STX12: variants seen among roughly 807,000 people sequenced by gnomAD.
The protein encoded by STX12 is syntaxin-12.
STX12 carries 17 observed loss-of-function variants against 42.2 expected under a neutral mutation model. That is an observed-to-expected ratio of 0.40 (90% CI 0.28 to 0.60). The LOEUF (loss-of-function observed/expected upper bound fraction) is 0.60, where lower values mean the gene tolerates loss of function less well. Among genes scored for constraint, STX12 ranks in the 20% least tolerant of loss-of-function variants. STX12 has a pLI of 0.39. For missense variants in STX12, 297 were observed against 330.9 expected (o/e 0.90, Z 0.79); for synonymous variants, 108 against 116.7 (o/e 0.93, Z 0.48).
chr1:27,807,330 C>T (rs149878400), intron 4 of STX12, among the ~76,000 whole-genome samples: 1 of 152,198 alleles, frequency 6.6e-6, no homozygotes, highest in African/African-American at 2.4e-5. Flanking sequence ...GCCCATTAAC[C>T]ATCCCCACTT....
chr1:27,806,212 A>G (rs1017080882), intron 4 of STX12, among the ~76,000 whole-genome samples: 3 of 152,212 alleles, frequency 2.0e-5, no homozygotes, highest in Admixed American at 2.0e-4. Context: ...CATTTTTGTC[A>G]TTGGCAACAA....
chr1:27,822,708 T>TA lies in STX12; in HGVS notation c.*380dup, dbSNP rs1557810031. 2 of 165,518 alleles carry TA rather than the reference T, an allele frequency of 1.2e-5. No individual in the cohort carries two copies. Among genetic ancestry groups the TA allele is most frequent in the Admixed American group, 5.9e-5 (1 of 16,838 alleles). 10.3% of individuals were successfully genotyped at this position (165,518 alleles called of 1,614,324 possible). ...TTTACCTTTTTACTAGCATCTGAGA[T>TA]AGAGTTACTTTCTGGTACCCAGTAT... On this transcript the variant is annotated 3_prime_UTR_variant, in exon 9 of 9. Transcript: ENST00000373943.
intron 6 of STX12, among the ~76,000 whole-genome samples, chr1:27,815,118 A>G (rs1432569020): frequency 1.3e-5 from 2 of 152,142 alleles, no homozygotes; most frequent in African/African-American, 4.8e-5. Context: ...GATTTAGAAT[A>G]TAGGAGAGAA....
intron 1 of STX12, among the ~76,000 whole-genome samples, chr1:27,778,445 C>T (rs781671813): frequency 5.9e-5 from 9 of 152,098 alleles, no homozygotes; most frequent in Non-Finnish European, 8.8e-5. Context: ...AATCCCAGCA[C>T]TTTGGGAGGC....
chr1:27,802,664 G>A (rs1369257536), intron 4 of STX12, among the ~76,000 whole-genome samples: 1 of 152,176 alleles, frequency 6.6e-6, no homozygotes, highest in African/African-American at 2.4e-5. Context: ...AATTCCTTCT[G>A]TAGAAAGACA....
chr1:27,777,422 G>C (rs2088634509), intron 1 of STX12, among the ~76,000 whole-genome samples: 1 of 152,158 alleles, frequency 6.6e-6, no homozygotes, highest in Non-Finnish European at 1.5e-5. Context: ...TAGGAAAAGA[G>C]GCCAGAGAGG....
At chr1:27,801,525 A>G (rs1345730856) in intron 3 of STX12, among the ~76,000 whole-genome samples, 153 bp from the exon 4 acceptor site, 1 of 152,232 alleles carries the variant, frequency 6.6e-6, no homozygotes, top group East Asian at 1.9e-4. Flanking sequence ...TGAGCTAGCA[A>G]AGAGCAAATT....
At chr1:27,807,954 T>A (rs1330619846) in intron 4 of STX12, among the ~76,000 whole-genome samples, 2 of 152,232 alleles carry the variant, frequency 1.3e-5, no homozygotes, top group East Asian at 3.8e-4. Context: ...TAATTCCATT[T>A]ATGTAAAGTT....
At chr1:27,787,235 A>G (rs555081422) in intron 1 of STX12, among the ~76,000 whole-genome samples, 11 of 152,354 alleles carry the variant, frequency 7.2e-5, no homozygotes, top group African/African-American at 2.4e-4. Flanking sequence ...CCAACAATGC[A>G]GTAATTTTGG....
intron 4 of STX12, among the ~76,000 whole-genome samples, chr1:27,804,028 C>T (rs576805161): frequency 1.7e-4 from 26 of 151,984 alleles, no homozygotes; most frequent in African/African-American, 5.1e-4. Flanking sequence ...ACAAAAAAAA[C>T]CCCAGAATTC....
chr1:27,798,811 A>C lies in STX12; in HGVS notation c.289-2867A>C, dbSNP rs930265155. Among the ~76,000 whole-genome samples, 4 of 147,450 alleles carry C rather than the reference A, an allele frequency of 2.7e-5. No homozygotes were observed. In the East Asian group the frequency reaches 6.0e-4, roughly 22 times the overall value. On this transcript the variant is annotated intron_variant, in intron 3 of 8. Coordinates refer to ENST00000373943, the MANE Select transcript of STX12 (RefSeq NM_177424.3). ...AAAAAAAAAAAAAAAAAAATTAGCC[A>C]GGCATCGTGGTACACATCTGTAGTC... is the stretch of plus-strand genomic sequence containing the variant.
intron 7 of STX12, among the ~76,000 whole-genome samples, chr1:27,818,536 T>G (rs1254746236): frequency 1.3e-5 from 2 of 152,200 alleles, no homozygotes; most frequent in Admixed American, 1.3e-4. Flanking sequence ...GAATACTCAG[T>G]CCCATTGACT....
chr1:27,786,370 C>T (rs1456735366), intron 1 of STX12, among the ~76,000 whole-genome samples: 2 of 152,138 alleles, frequency 1.3e-5, no homozygotes, highest in Non-Finnish European at 2.9e-5. Context: ...TCAGTGTCAC[C>T]TTATCAGAGA....
chr1:27,780,969 A>AG (rs1460712262), intron 1 of STX12, among the ~76,000 whole-genome samples: 2 of 151,598 alleles, frequency 1.3e-5, no homozygotes, highest in African/African-American at 2.4e-5. Context: ...AAAAAAAAAA[A>AG]GGGGGGATGT....
In STX12 at chr1:27,810,206, T is replaced by A. The variant is rs953689787; in HGVS notation, c.427-40T>A. The stretch of plus-strand genomic sequence containing the variant: ...CCTTGTTTTGTGTGTCTGTGATGTG[T>A]TTCTGGATGACAGCAGCAATAATAC... On this transcript the variant is annotated intron_variant, in intron 4 of 8. Coordinates refer to ENST00000373943, the MANE Select transcript of STX12 (RefSeq NM_177424.3). 2.5e-6 allele frequency: 4 copies of A among 1,605,670 alleles called. No individual in the cohort carries two copies. In the African/African-American group the frequency reaches 5.4e-5, roughly 21 times the overall value.
intron 4 of STX12, among the ~76,000 whole-genome samples, chr1:27,808,311 T>TTTTA (rs34435449): frequency 0.16 from 23,565 of 144,114 alleles, 2,329 homozygotes; most frequent in Middle Eastern, 0.21. Flanking sequence ...TTGCTTTGTT[T>TTTTA]TTTATTTATT....
chr1:27,818,078 AAG>A (rs2088955221), intron 7 of STX12, 155 bp downstream of exon 7: 6 of 623,522 alleles, frequency 9.6e-6, no homozygotes, highest in Non-Finnish European at 1.7e-5. Flanking sequence ...TTAAAAAAGA[AAG>A]AAAGAAAGAA....
intron 1 of STX12, among the ~76,000 whole-genome samples, chr1:27,789,157 G>A (rs1473682731): frequency 6.6e-6 from 1 of 152,192 alleles, no homozygotes; most frequent in Non-Finnish European, 1.5e-5. Context: ...TTAGTAATAA[G>A]TATACATTGT....
chr1:27,821,301 T>C (rs1465490099), intron 8 of STX12, among the ~76,000 whole-genome samples: 1 of 152,184 alleles, frequency 6.6e-6, no homozygotes, highest in African/African-American at 2.4e-5. Context: ...AGGTGATTAA[T>C]TTAGTGTCCA....
Sources: gnomAD v4.1 joint callset for allele counts (sites outside exome capture counted in the v4.1 genomes callset) on GRCh38, gnomAD v4.1.1 for gene constraint, MANE v1.5 for transcripts, NCBI Gene and HGNC (gene_info 2026-07-23, HGNC 2026-07-21) for gene names.